Variants in LRFN3 observed in about 807,000 individuals in gnomAD.
The protein encoded by LRFN3 is leucine rich repeat and fibronectin type III domain containing 3.
LRFN3 carries 8 observed loss-of-function variants against 23.8 expected under a neutral mutation model. That is an observed-to-expected ratio of 0.34 (90% CI 0.20 to 0.61). The LOEUF (loss-of-function observed/expected upper bound fraction) is 0.61. Ranked by LOEUF, LRFN3 falls within the 20% of genes least tolerant of loss-of-function variation. LRFN3 has a pLI of 0.80. For missense variants in LRFN3, 736 were observed against 935.3 expected (o/e 0.79, Z 2.78); for synonymous variants, 451 against 450.6 (o/e 1.00, Z -0.01).
rs117138517 is a variant in LRFN3, at chr19:35,939,018, G to T, written c.-16-392G>T. Among the ~76,000 whole-genome samples the T allele has an allele frequency of 0.032, 4,814 of 152,172 alleles. 167 individuals are homozygous for T. The highest frequency in any genetic ancestry group is 0.17 in the East Asian group (878 of 5,162). On this transcript the variant is annotated intron_variant, in intron 1 of 2. Transcript: ENST00000246529. This position sits in a 1 kb window ranked among gnomAD's most constrained non-coding sequence, Gnocchi z 6.4. ...CTGTTGCCCAGGCTGGAGTGTGGTG[G>T]CGCAATCATAGCTCACTGCAGCCTC...
At position 35,936,466 on chromosome 19, in the gene LRFN3, C is replaced by A. The variant is rs1976056825; in HGVS notation, c.-1106C>A. The A allele has an allele frequency of 1.3e-5, 2 of 150,640 alleles. No individual in the cohort carries two copies. The highest frequency in any genetic ancestry group is 4.9e-5 in the African/African-American group (2 of 41,212). 9.3% of individuals were successfully genotyped at this position (150,640 alleles called of 1,614,324 possible). A position where few individuals can be genotyped will look rare whatever the true frequency, so the allele number is the denominator to read the frequency against. On this transcript the variant is annotated 5_prime_UTR_variant, in exon 1 of 3. Coordinates refer to ENST00000246529, the MANE Select transcript of LRFN3 (RefSeq NM_024509.2). ...GCCCAGCCCGGCCCCCGCCCGGCCC[C>A]CGCCTCGGCCCCGGCGGGGGAGGGG...
Position 35,944,668 on chromosome 19 carries a change from T to C in LRFN3, c.1536T>C (p.Pro512=). The part of the protein sequence containing the change: ...DSATGLTATR[P]VGCARFSTEP... ...CCACGGGGCTCACGGCCACGCGGCC[T>C]GTGGGCTGCGCCCGCTTCTCCACCG... The change falls in exon 3 of 3, where the codon CCT becomes CCC. Residue 512 remains proline, a synonymous_variant. Coordinates refer to ENST00000246529, the MANE Select transcript of LRFN3 (RefSeq NM_024509.2). This position sits in a 1 kb window ranked among gnomAD's most constrained non-coding sequence, Gnocchi z 4.5. The C allele has an allele frequency of 6.3e-7, 1 of 1,598,608 alleles. No individual in the cohort carries two copies. Among genetic ancestry groups the C allele is most frequent in the Non-Finnish European group, 8.5e-7 (1 of 1,175,454 alleles).
Position 35,940,203 on chromosome 19 carries a change from C to T in LRFN3, c.778C>T (p.Leu260=), listed in dbSNP as rs1413956814. 7.5e-6 allele frequency: 12 copies of T among 1,609,236 alleles called. No individual in the cohort carries two copies. Among genetic ancestry groups the T allele is most frequent in the Non-Finnish European group, 9.3e-6 (11 of 1,179,548 alleles). Residue 260 remains leucine, a synonymous_variant, in exon 2 of 3, where the codon CTG becomes TTG. Transcript: ENST00000246529. ...GCACTGCAACTGCGAGCTGGTGTGG[C>T]TGCGTCGCCTGGCGCGGGAGGACGA... The part of the protein sequence containing the change: ...PLHCNCELVW[L]RRLAREDDLE...
intron 2 of LRFN3, among the ~76,000 whole-genome samples, chr19:35,942,584 T>G (rs1976134866): frequency 1.3e-5 from 2 of 152,200 alleles, no homozygotes; most frequent in Admixed American, 6.5e-5. Context: ...GGGGACCTAG[T>G]AGTACCTGGA....
In LRFN3 at chr19:35,944,377, G is replaced by A. The variant is rs1332161864; in HGVS notation, c.1416-171G>A. ...AGGGGTATCAGTCAGGTGGCTGAAT[G>A]GGATGTCAGACCAAAGGGAATTGGG... On this transcript the variant is annotated intron_variant, in intron 2 of 2. Transcript: ENST00000246529. The surrounding 1 kb of genome is among the most constrained non-coding windows in gnomAD (Gnocchi z 4.5). Among the ~76,000 whole-genome samples, 1 of 152,182 alleles carries A rather than the reference G, an allele frequency of 6.6e-6. No individual in the cohort carries two copies. The highest frequency in any genetic ancestry group is 6.5e-5 in the Admixed American group (1 of 15,278).
rs56230692 is a variant in LRFN3, at chr19:35,946,306, A to G, written c.*1287A>G. Among the ~76,000 whole-genome samples, 12,501 of 151,168 alleles carry G rather than the reference A, an allele frequency of 0.083. 1,291 individuals are homozygous for G. The highest frequency in any genetic ancestry group is 0.24 in the African/African-American group (10,031 of 41,082). On this transcript the variant is annotated 3_prime_UTR_variant, in exon 3 of 3. Transcript: ENST00000246529. ...TTAAGACGGCTTCTTGTGGGGGATG[A>G]TTCCAAGTCCCCACTATGGGACATT...
At position 35,945,353 on chromosome 19, in the gene LRFN3, T is replaced by C; in HGVS notation, c.*334T>C. 1 of 231,322 alleles carries C rather than the reference T, an allele frequency of 4.3e-6. No homozygotes were observed. Among genetic ancestry groups the C allele is most frequent in the East Asian group, 9.5e-5 (1 of 10,492 alleles). The allele number at this position is 231,322 out of a possible 1,614,324, so 14.3% of individuals were successfully genotyped here. On this transcript the variant is annotated 3_prime_UTR_variant, in exon 3 of 3. Transcript: ENST00000246529. ...GGCGATCCATTCAGACAATAGATGT[T>C]CCCTGCGTGTCGGCTCTGAGCATGC...
In LRFN3 at chr19:35,939,322, C is replaced by T. The variant is rs1976088999; in HGVS notation, c.-16-88C>T. ...TTTGACCAGCCCTTCTGCCCTCAGC[C>T]CACTGTGACCTTCTCTCCTGGTCTC... is the stretch of plus-strand genomic sequence containing the variant. On this transcript the variant is annotated intron_variant, in intron 1 of 2. Transcript: ENST00000246529. The surrounding 1 kb of genome is among the most constrained non-coding windows in gnomAD (Gnocchi z 6.4). 1 of 1,368,386 alleles carries T rather than the reference C, an allele frequency of 7.3e-7. No homozygotes were observed. Among genetic ancestry groups the T allele is most frequent in the Non-Finnish European group, 9.9e-7 (1 of 1,013,606 alleles). The allele number at this position is 1,368,386 out of a possible 1,614,324, so 84.8% of individuals were successfully genotyped here. A position where few individuals can be genotyped will look rare whatever the true frequency, so the allele number is the denominator to read the frequency against.
chr19:35,944,646 C>T lies in LRFN3; in HGVS notation c.1514C>T (p.Thr505Met), dbSNP rs1371303691. 5.0e-6 allele frequency: 8 copies of T among 1,591,508 alleles called. No homozygotes were observed. Among genetic ancestry groups the T allele is most frequent in the Admixed American group, 1.7e-5 (1 of 57,866 alleles). ...CTCGCCGTGTATGAGGACAGCGCCA[C>T]GGGGCTCACGGCCACGCGGCCTGTG... ...CVLAVYEDSA[T>M]GLTATRPVGC... The change falls in exon 3 of 3, where the codon ACG (threonine) becomes ATG (methionine). Residue 505 changes from threonine to methionine, a missense_variant. By Grantham distance (81) the Thr-to-Met change is moderately conservative. Around this residue, in one of 2 missense-constraint regions of LRFN3, gnomAD observed 290 missense variants for 287.4 expected, o/e 1.01. Coordinates refer to ENST00000246529, the MANE Select transcript of LRFN3 (RefSeq NM_024509.2). The surrounding 1 kb of genome is among the most constrained non-coding windows in gnomAD (Gnocchi z 4.5).
At position 35,940,017 on chromosome 19, in the gene LRFN3, G is replaced by A. The variant is rs1209975025; in HGVS notation, c.592G>A (p.Gly198Ser). ...CAACCTGCTGGCTTCTGTGCCCGCC[G>A]GCGCTTTTTCCCGCCTGCACAAGCT... Reference protein sequence around the residue: ...DHNLLASVPAGAFSRLHKLAR... With the variant: ...DHNLLASVPASAFSRLHKLAR... The change falls in exon 2 of 3, where the codon GGC becomes AGC. Residue 198 changes from glycine to serine, a missense_variant. Physicochemically the swap from Gly to Ser is moderately conservative, Grantham distance 56. Around this residue, in one of 2 missense-constraint regions of LRFN3, gnomAD observed 446 missense variants for 647.9 expected, o/e 0.69. Transcript: ENST00000246529. 1.9e-6 allele frequency: 3 copies of A among 1,612,316 alleles called. 1 individual carries two copies. The highest frequency in any genetic ancestry group is 2.7e-5 in the African/African-American group (2 of 75,028).
At position 35,936,736 on chromosome 19, in the gene LRFN3, G is replaced by T. The variant is rs905652461; in HGVS notation, c.-836G>T. 1 of 152,370 alleles carries T rather than the reference G, an allele frequency of 6.6e-6. No individual in the cohort carries two copies. Among genetic ancestry groups the T allele is most frequent in the Non-Finnish European group, 1.5e-5 (1 of 68,190 alleles). The allele number at this position is 152,370 out of a possible 1,614,324, so 9.4% of individuals were successfully genotyped here. ...CCCGCGCCCTAACCTCCACCTCGGG[G>T]GCCTGCACCCCCAGATTGAATCGGG... On this transcript the variant is annotated 5_prime_UTR_variant, in exon 1 of 3. Coordinates refer to ENST00000246529, the MANE Select transcript of LRFN3 (RefSeq NM_024509.2).
rs369091789 is a variant in LRFN3, at chr19:35,941,329, AAG to A, written c.1415+495_1415+496del. ...AAAATAAATTTAAGTTGTAAAGATA[AAG>A]AGAGAAACACCAGGTTTTCCAGATG... On this transcript the variant is annotated intron_variant, in intron 2 of 2. Transcript: ENST00000246529. Among the ~76,000 whole-genome samples the A allele has an allele frequency of 7.7e-4, 118 of 152,322 alleles. 2 individuals are homozygous for A. Among genetic ancestry groups the A allele is most frequent in the African/African-American group, 2.7e-3 (114 of 41,582 alleles).
At chr19:35,942,685 C>T (rs949913771) in intron 2 of LRFN3, among the ~76,000 whole-genome samples, 14 of 152,204 alleles carry the variant, frequency 9.2e-5, no homozygotes, top group African/African-American at 3.1e-4. Context: ...CATTCTACTC[C>T]CTTTCTCAGA....
chr19:35,937,842 C>T (rs1347130608), intron 1 of LRFN3, among the ~76,000 whole-genome samples: 2 of 152,202 alleles, frequency 1.3e-5, no homozygotes, highest in East Asian at 1.9e-4. Context: ...TCCGCCACCT[C>T]TCTTGTCCAC....
rs1269824283 is a variant in LRFN3, at chr19:35,940,514, C to A, written c.1089C>A (p.Ile363=). 6.2e-7 allele frequency: 1 copy of A among 1,612,204 alleles called. No homozygotes were observed. The highest frequency in any genetic ancestry group is 8.5e-7 in the Non-Finnish European group (1 of 1,179,842). ...TCACCGAGCCGGGTGATGGTGGCAT[C>A]TTCACCTGCATTGCGGCCAATGCAG... The part of the protein sequence containing the change: ...LLVTEPGDGG[I]FTCIAANAAG... Residue 363 remains isoleucine (I), a synonymous_variant, in exon 2 of 3, where the codon ATC becomes ATA. Coordinates refer to ENST00000246529, the MANE Select transcript of LRFN3 (RefSeq NM_024509.2).
At position 35,940,003 on chromosome 19, in the gene LRFN3, C is replaced by T. The variant is rs780898352; in HGVS notation, c.578C>T (p.Ala193Val). 5 of 1,611,824 alleles carry T rather than the reference C, an allele frequency of 3.1e-6. No homozygotes were observed. In the South Asian group the frequency reaches 5.5e-5, roughly 18 times the overall value. ...TTGGGCCTCGACCACAACCTGCTGG[C>T]TTCTGTGCCCGCCGGCGCTTTTTCC... ...NTLGLDHNLL[A>V]SVPAGAFSRL... Residue 193 changes from alanine to valine, a missense_variant, in exon 2 of 3, where the codon GCT becomes GTT. By Grantham distance (64) the Ala-to-Val change is moderately conservative. Around this residue, in one of 2 missense-constraint regions of LRFN3, gnomAD observed 446 missense variants for 647.9 expected, o/e 0.69. Transcript: ENST00000246529.
chr19:35,944,915 A>G lies in LRFN3; in HGVS notation c.1783A>G (p.Thr595Ala), dbSNP rs1230999865. The G allele has an allele frequency of 9.0e-6, 14 of 1,558,448 alleles. No homozygotes were observed. Among genetic ancestry groups the G allele is most frequent in the African/African-American group, 1.4e-5 (1 of 72,748 alleles). ...QTNGALGPTP[T>A]PAPPAPEPAA... ...CAACGGCGCCCTGGGCCCCACGCCC[A>G]CGCCCGCCCCGCCCGCCCCGGAGCC... is the stretch of plus-strand genomic sequence containing the variant. Residue 595 changes from threonine (T) to alanine (A), a missense_variant, in exon 3 of 3, where the codon ACG (threonine) becomes GCG (alanine). Physicochemically the swap from Thr to Ala is moderately conservative, Grantham distance 58. Around this residue, in one of 2 missense-constraint regions of LRFN3, gnomAD observed 290 missense variants for 287.4 expected, o/e 1.01. Transcript: ENST00000246529. The surrounding 1 kb of genome is among the most constrained non-coding windows in gnomAD (Gnocchi z 4.5).
At chr19:35,942,005 C>G (rs1244065292) in intron 2 of LRFN3, among the ~76,000 whole-genome samples, 2 of 152,032 alleles carry the variant, frequency 1.3e-5, no homozygotes, top group Admixed American at 6.6e-5. Flanking sequence ...GCCTCAGCCT[C>G]CCGAGTAGCT....
Position 35,939,873 on chromosome 19 carries a change from G to A in LRFN3, c.448G>A (p.Ala150Thr), listed in dbSNP as rs746524072. The stretch of plus-strand genomic sequence containing the variant: ...CCAGCTGGCAGCGCTGGCGGCCGGC[G>A]CCCTGGATGATTGTGCCGAGACACT... The part of the protein sequence containing the change: ...NNQLAALAAG[A>T]LDDCAETLED... The change falls in exon 2 of 3, where the codon GCC becomes ACC. Residue 150 changes from alanine to threonine, a missense_variant. Around this residue, in one of 2 missense-constraint regions of LRFN3, gnomAD observed 446 missense variants for 647.9 expected, o/e 0.69. Transcript: ENST00000246529. The surrounding 1 kb of genome is among the most constrained non-coding windows in gnomAD (Gnocchi z 6.4). 3 of 1,601,184 alleles carry A rather than the reference G, an allele frequency of 1.9e-6. No individual in the cohort carries two copies. The highest frequency in any genetic ancestry group is 2.5e-6 in the Non-Finnish European group (3 of 1,179,790).
Sources: allele counts gnomAD v4.1 joint callset (sites outside exome capture counted in the v4.1 genomes callset), GRCh38; gene constraint gnomAD v4.1.1; regional missense constraint gnomAD v4.1.1; non-coding constraint Gnocchi (gnomAD v3.1); transcripts MANE v1.5; gene names NCBI Gene and HGNC (gene_info 2026-07-23, HGNC 2026-07-21).